The following CTNND2 variants were observed in gnomAD, a reference collection of about 807,000 sequenced individuals.
CTNND2 encodes the protein catenin delta 2.
In CTNND2, 22 loss-of-function variants were observed where a neutral mutation model predicts 144.4. The ratio of observed to expected loss-of-function variants is 0.15; its 90% CI spans 0.11 to 0.22. The LOEUF (loss-of-function observed/expected upper bound fraction) is 0.22, where lower values mean the gene tolerates loss of function less well. CTNND2 is among the 10% of genes least tolerant of loss of function. CTNND2 has a pLI of 1.00. For synonymous variants in CTNND2, 751 were observed against 695.6 expected, an observed-to-expected ratio of 1.08 and a Z score of -1.25; for missense variants, 1,353 against 1,618.8, an observed-to-expected ratio of 0.84 and a Z score of 2.82.
chr5:11,797,024 T>A (rs1014857759), intron 1 of CTNND2, among the ~76,000 whole-genome samples: 1 of 152,244 alleles, frequency 6.6e-6, no homozygotes, highest in Non-Finnish European at 1.5e-5. Context: ...TGTGTTTATA[T>A]GTATCTACTA....
In CTNND2 at chr5:11,627,865, T is replaced by C. The variant is rs148823133; in HGVS notation, c.175-62809A>G. Among the ~76,000 whole-genome samples the C allele has an allele frequency of 4.7e-3, 707 of 150,904 alleles. 5 individuals are homozygous for C. The highest frequency in any genetic ancestry group is 0.017 in the African/African-American group (677 of 41,000). On this transcript the variant is annotated intron_variant, in intron 2 of 21. Coordinates refer to ENST00000304623, the MANE Select transcript of CTNND2 (RefSeq NM_001332.4). ...GGTGATGGGAGACAATGACAGATCA[T>C]CAGGCATTACATTCTCATAAGGAGC...
chr5:11,808,670 C>T (rs1416890551), intron 1 of CTNND2, among the ~76,000 whole-genome samples: 5 of 152,172 alleles, frequency 3.3e-5, no homozygotes, highest in Non-Finnish European at 7.3e-5. Flanking sequence ...CTCTCTACCA[C>T]AGGCAGAAAC....
At chr5:11,663,273 T>C (rs1783377429) in intron 2 of CTNND2, among the ~76,000 whole-genome samples, 1 of 152,214 alleles carries the variant, frequency 6.6e-6, no homozygotes, top group African/African-American at 2.4e-5. Flanking sequence ...TGTCATTAGA[T>C]TGATCTATAT....
chr5:11,278,946 T>A (rs1746835601), intron 9 of CTNND2, among the ~76,000 whole-genome samples: 1 of 152,168 alleles, frequency 6.6e-6, no homozygotes, highest in Non-Finnish European at 1.5e-5. Flanking sequence ...CGTCTTCTCT[T>A]CTTTACCTTC....
chr5:11,026,928 T>C (rs1742896110), intron 16 of CTNND2, among the ~76,000 whole-genome samples: 1 of 152,084 alleles, frequency 6.6e-6, no homozygotes, highest in Admixed American at 6.5e-5. Context: ...ACACAGAGGG[T>C]AGTAAAAACC....
intron 11 of CTNND2, among the ~76,000 whole-genome samples, chr5:11,162,955 G>C (rs1758943730): frequency 1.3e-5 from 2 of 151,914 alleles, no homozygotes; most frequent in East Asian, 1.9e-4. Flanking sequence ...ACGGAAGAGA[G>C]ATTAGTGGAG....
intron 9 of CTNND2, among the ~76,000 whole-genome samples, chr5:11,266,760 C>T (rs1745477354): frequency 6.6e-6 from 1 of 152,238 alleles, no homozygotes. Context: ...ATAATTTCCA[C>T]TGCACATATT....
chr5:11,724,912 A>AT (rs34852559), intron 2 of CTNND2, among the ~76,000 whole-genome samples: 20,282 of 149,062 alleles, frequency 0.14, 3,457 homozygotes, highest in African/African-American at 0.41. Flanking sequence ...GTCAAAAGTG[A>AT]TTTTTTTTTT....
intron 1 of CTNND2, among the ~76,000 whole-genome samples, chr5:11,828,605 A>G (rs1336551280): frequency 6.6e-6 from 1 of 152,218 alleles, no homozygotes; most frequent in Non-Finnish European, 1.5e-5. Flanking sequence ...CATGTAAGAC[A>G]TAAGTTGCTC....
chr5:11,042,214 G>A (rs1420460403), intron 16 of CTNND2, among the ~76,000 whole-genome samples: 1 of 152,116 alleles, frequency 6.6e-6, no homozygotes, highest in Non-Finnish European at 1.5e-5. Flanking sequence ...CACAGAAGCT[G>A]TAATTTCACA....
chr5:11,087,645 T>C (rs1181794625), intron 15 of CTNND2, among the ~76,000 whole-genome samples: 1 of 152,222 alleles, frequency 6.6e-6, no homozygotes, highest in Non-Finnish European at 1.5e-5. Flanking sequence ...CTGGTATCTC[T>C]AGTCAAGATG....
At chr5:11,452,478 C>T (rs1765388076) in intron 3 of CTNND2, among the ~76,000 whole-genome samples, 1 of 152,148 alleles carries the variant, frequency 6.6e-6, no homozygotes, top group South Asian at 2.1e-4. Flanking sequence ...TGTAAAAGTG[C>T]TCCTTCCTCC....
rs532673455 is a variant in CTNND2, at chr5:11,692,018, G to A, written c.174+40118C>T. ...TTCTATAAAATGTAAAGGTTACATA[G>A]CTAATCAACAAAAACTGTATGATTG... On this transcript the variant is annotated intron_variant, in intron 2 of 21. Transcript: ENST00000304623. Among the ~76,000 whole-genome samples the A allele has an allele frequency of 2.6e-3, 400 of 152,190 alleles. 3 individuals are homozygous for A. Among genetic ancestry groups the A allele is most frequent in the African/African-American group, 9.2e-3 (384 of 41,514 alleles).
chr5:11,000,804 A>AAAAT (rs1202206982), intron 18 of CTNND2, among the ~76,000 whole-genome samples: 1 of 152,080 alleles, frequency 6.6e-6, no homozygotes. Context: ...GGGAGTTTTA[A>AAAAT]AAATAGTAAT....
At chr5:11,747,691 T>C (rs761385394) in intron 1 of CTNND2, among the ~76,000 whole-genome samples, 5 of 152,140 alleles carry the variant, frequency 3.3e-5, no homozygotes, top group Non-Finnish European at 2.9e-5. Context: ...TAATCATAGA[T>C]TTACATCATA....
chr5:11,378,520 T>C (rs984039572), intron 7 of CTNND2, among the ~76,000 whole-genome samples: 1 of 152,224 alleles, frequency 6.6e-6, no homozygotes, highest in South Asian at 2.1e-4. Flanking sequence ...TTTTTAACTT[T>C]AAGTGACAGT....
intron 1 of CTNND2, among the ~76,000 whole-genome samples, chr5:11,879,337 G>GTATATATATATATATATA (rs1240920951): frequency 1.1e-4 from 1 of 9,450 alleles, no homozygotes; most frequent in African/African-American, 1.7e-4. Flanking sequence ...AAAATTAAAT[G>GTATATATATATATATATA]TGTGTATATA....
At chr5:11,660,746 T>C (rs1783157470) in intron 2 of CTNND2, among the ~76,000 whole-genome samples, 1 of 152,196 alleles carries the variant, frequency 6.6e-6, no homozygotes, top group South Asian at 2.1e-4. Flanking sequence ...TGCATGTGTG[T>C]GCATGTGGGC....
intron 3 of CTNND2, among the ~76,000 whole-genome samples, chr5:11,422,509 A>C (rs1762451456): frequency 6.6e-6 from 1 of 152,220 alleles, no homozygotes; most frequent in South Asian, 2.1e-4. Context: ...TTGTCCAAGC[A>C]ACTGACACTG....
Sources: gnomAD v4.1 joint callset for allele counts (sites outside exome capture counted in the v4.1 genomes callset) on GRCh38, gnomAD v4.1.1 for gene constraint, MANE v1.5 for transcripts, NCBI Gene and HGNC (gene_info 2026-07-23, HGNC 2026-07-21) for gene names.